SREK1IP1: variants seen among roughly 807,000 people sequenced by gnomAD.
SREK1IP1 encodes SREK1 interacting protein 1.
Under a neutral mutation model 22.8 loss-of-function variants are expected in SREK1IP1, and 12 were observed. The observed-to-expected ratio is 0.53, with a 90% confidence interval of 0.34 to 0.85. The LOEUF (loss-of-function observed/expected upper bound fraction) is 0.85, where lower values mean the gene tolerates loss of function less well. Among genes scored for constraint, SREK1IP1 ranks in the 40% least tolerant of loss-of-function variants. The pLI, the probability that SREK1IP1 is intolerant of heterozygous loss-of-function variation, is 0.02. For synonymous variants in SREK1IP1, 53 were observed against 52.7 expected (o/e 1.01, Z -0.02); for missense variants, 147 against 171.8 (o/e 0.86, Z 0.81).
chr5:64,751,380 A>G (rs916891063), intron 2 of SREK1IP1, among the ~76,000 whole-genome samples: 1 of 152,208 alleles, frequency 6.6e-6, no homozygotes, highest in African/African-American at 2.4e-5. Context: ...AAATGTGGAG[A>G]AAAAAAGCTT....
At chr5:64,754,277 T>C (rs1742798936) in intron 2 of SREK1IP1, 38 bp downstream of exon 2, 3 of 1,599,730 alleles carry the variant, frequency 1.9e-6, no homozygotes, top group East Asian at 2.2e-5. Flanking sequence ...GATTCCAGTA[T>C]GAATAATGCA....
At chr5:64,754,544 A>G (rs1389515219) in intron 1 of SREK1IP1, 182 bp from the exon 2 acceptor site, 7 of 538,440 alleles carry the variant, frequency 1.3e-5, no homozygotes, top group Admixed American at 3.0e-5. Flanking sequence ...AGCTCACTAC[A>G]GCCTCCAGCT....
At chr5:64,743,033 T>A (rs1330665901) in intron 2 of SREK1IP1, among the ~76,000 whole-genome samples, 1 of 152,230 alleles carries the variant, frequency 6.6e-6, no homozygotes, top group Non-Finnish European at 1.5e-5. Flanking sequence ...TATCAGAGAA[T>A]GGGATCTGTA....
chr5:64,744,199 C>A (rs1364261190), intron 2 of SREK1IP1, among the ~76,000 whole-genome samples: 1 of 151,982 alleles, frequency 6.6e-6, no homozygotes, highest in African/African-American at 2.4e-5. Context: ...ACCTCCCAAG[C>A]GCAGGTAGGG....
intron 1 of SREK1IP1, among the ~76,000 whole-genome samples, chr5:64,760,820 C>T (rs556970477): frequency 6.1e-4 from 93 of 152,268 alleles, no homozygotes; most frequent in Non-Finnish European, 1.1e-3. Context: ...ATTAGACATA[C>T]CTCTGTAAGG....
intron 2 of SREK1IP1, among the ~76,000 whole-genome samples, chr5:64,746,744 A>G (rs1172338680): frequency 1.3e-5 from 2 of 152,288 alleles, no homozygotes; most frequent in Non-Finnish European, 2.9e-5. Flanking sequence ...AACTTTCTGG[A>G]CACTAACTGG....
Position 64,721,919 on chromosome 5 carries a change from C to G in SREK1IP1, c.*2465G>C, listed in dbSNP as rs1036622856. 1 of 151,846 alleles carries G rather than the reference C, an allele frequency of 6.6e-6. No individual in the cohort carries two copies. The highest frequency in any genetic ancestry group is 1.5e-5 in the Non-Finnish European group (1 of 67,980). The allele number at this position is 151,846 out of a possible 1,614,324, so 9.4% of individuals were successfully genotyped here. A position where few individuals can be genotyped will look rare whatever the true frequency, so the allele number is the denominator to read the frequency against. ...ATAATCTGGTACAATATTTTATAGA[C>G]GAAAGACACCAAGGCCCAGGGAAAC... On this transcript the variant is annotated 3_prime_UTR_variant, in exon 5 of 5. Transcript: ENST00000513458.
chr5:64,723,061 T>C lies in SREK1IP1; in HGVS notation c.*1323A>G, dbSNP rs1418006433. The stretch of plus-strand genomic sequence containing the variant: ...CTTTGGTGCTGTGCCATGACATTGG[T>C]TGATGTTCGATGCTTCTACAACATA... On this transcript the variant is annotated 3_prime_UTR_variant, in exon 5 of 5. Coordinates refer to ENST00000513458, the MANE Select transcript of SREK1IP1 (RefSeq NM_173829.4). The C allele has an allele frequency of 6.6e-6, 1 of 152,212 alleles. No homozygotes were observed. 9.4% of individuals were successfully genotyped at this position (152,212 alleles called of 1,614,324 possible).
At chr5:64,760,415 A>G (rs1430319010) in intron 1 of SREK1IP1, among the ~76,000 whole-genome samples, 1 of 152,134 alleles carries the variant, frequency 6.6e-6, no homozygotes, top group African/African-American at 2.4e-5. Flanking sequence ...AGGTGGGGGG[A>G]AAGTCTCTTG....
rs1243488156 is a variant in SREK1IP1, at chr5:64,754,299, C to A, written c.61+16G>T. On this transcript the variant is annotated intron_variant, in intron 2 of 4. Transcript: ENST00000513458. ...GTATGAATAATGCAAAGCATGTCAT[C>A]TTTTAGAATACTTACGGTAGCCACA... The A allele has an allele frequency of 1.2e-6, 2 of 1,613,218 alleles. No homozygotes were observed. The highest frequency in any genetic ancestry group is 1.7e-6 in the Non-Finnish European group (2 of 1,179,232).
rs1415195274 is a variant in SREK1IP1, at chr5:64,721,200, G to T, written c.*3184C>A. The T allele has an allele frequency of 6.6e-6, 1 of 152,056 alleles. No individual in the cohort carries two copies. Among genetic ancestry groups the T allele is most frequent in the Non-Finnish European group, 1.5e-5 (1 of 68,006 alleles). The allele number at this position is 152,056 out of a possible 1,614,324, so 9.4% of individuals were successfully genotyped here. A position where few individuals can be genotyped will look rare whatever the true frequency, so the allele number is the denominator to read the frequency against. ...TCAATTACTGCACTAATTATATAAC[G>T]GTGTATGCTCTGGTGTTTCTCCTAC... On this transcript the variant is annotated 3_prime_UTR_variant, in exon 5 of 5. Transcript: ENST00000513458.
At chr5:64,739,914 T>C (rs1407451330) in intron 3 of SREK1IP1, among the ~76,000 whole-genome samples, 1 of 152,072 alleles carries the variant, frequency 6.6e-6, no homozygotes, top group Admixed American at 6.6e-5. Flanking sequence ...AAAAACAAAG[T>C]TTACTGTTTA....
At chr5:64,732,410 A>G (rs1393594721) in intron 3 of SREK1IP1, among the ~76,000 whole-genome samples, 1 of 152,202 alleles carries the variant, frequency 6.6e-6, no homozygotes, top group East Asian at 1.9e-4. Context: ...AAACATACAA[A>G]AATCAATTTA....
chr5:64,734,290 C>T (rs912205046), intron 3 of SREK1IP1, among the ~76,000 whole-genome samples: 8 of 152,092 alleles, frequency 5.3e-5, no homozygotes, highest in Non-Finnish European at 1.2e-4. Flanking sequence ...TGTGGCTTTA[C>T]AATAAATCTT....
chr5:64,750,601 C>G (rs2112104732), intron 2 of SREK1IP1, among the ~76,000 whole-genome samples: 1 of 152,282 alleles, frequency 6.6e-6, no homozygotes, highest in South Asian at 2.1e-4. Context: ...ATGACTTTCT[C>G]AAACTGGTAC....
chr5:64,728,942 C>A (rs1378799011), intron 3 of SREK1IP1, among the ~76,000 whole-genome samples: 1 of 152,030 alleles, frequency 6.6e-6, no homozygotes, highest in East Asian at 1.9e-4. Flanking sequence ...GCCTGTAATC[C>A]CAGCACTTTG....
At chr5:64,729,257 C>T (rs1742332233) in intron 3 of SREK1IP1, among the ~76,000 whole-genome samples, 1 of 152,064 alleles carries the variant, frequency 6.6e-6, no homozygotes, top group Non-Finnish European at 1.5e-5. Context: ...ATGATCCTTG[C>T]CCACAGGGAA....
Position 64,728,071 on chromosome 5 carries a change from C to T in SREK1IP1, c.278+36G>A, listed in dbSNP as rs955649271. Reference sequence around the variant, plus strand: ...TTATAATCCATCCTAAACTCATAGGCCTGCTTTGTTTTTTAAAATGTTGTT... The same window carrying T: ...TTATAATCCATCCTAAACTCATAGGTCTGCTTTGTTTTTTAAAATGTTGTT... On this transcript the variant is annotated intron_variant, in intron 4 of 4. Coordinates refer to ENST00000513458, the MANE Select transcript of SREK1IP1 (RefSeq NM_173829.4). The T allele has an allele frequency of 3.1e-6, 4 of 1,295,088 alleles. No individual in the cohort carries two copies. The African/African-American group carries it at 4.9e-5, about 16-fold the overall frequency. The allele number at this position is 1,295,088 out of a possible 1,614,324, so 80.2% of individuals were successfully genotyped here.
intron 1 of SREK1IP1, 40 bp downstream of exon 1, chr5:64,768,465 T>G (rs1392440967): frequency 1.9e-6 from 3 of 1,613,782 alleles, no homozygotes; most frequent in Middle Eastern, 1.6e-4. Flanking sequence ...TTGCGCTCCC[T>G]TCGGAGCTCG....
Sources: gnomAD v4.1 joint callset for allele counts (sites outside exome capture counted in the v4.1 genomes callset) on GRCh38, gnomAD v4.1.1 for gene constraint, MANE v1.5 for transcripts, NCBI Gene and HGNC (gene_info 2026-07-23, HGNC 2026-07-21) for gene names.